Variants in ARHGAP10 observed in about 807,000 individuals in gnomAD.
The protein encoded by ARHGAP10 is Rho GTPase activating protein 10, also known as rho GTPase-activating protein 10.
ARHGAP10 carries 87 observed loss-of-function variants against 108.6 expected under a neutral mutation model. That is an observed-to-expected ratio of 0.80 (90% confidence interval 0.67 to 0.96). ARHGAP10 has a LOEUF of 0.96. ARHGAP10 is among the 40% of genes least tolerant of loss of function. The pLI, the probability that ARHGAP10 is intolerant of heterozygous loss-of-function variation, is 0.00. For missense variants in ARHGAP10, 939 were observed against 954.5 expected (o/e 0.98, Z 0.21); for synonymous variants, 347 against 341.1 (o/e 1.02, Z -0.19).
At chr4:147,945,520 A>G (rs113150774) in intron 14 of ARHGAP10, among the ~76,000 whole-genome samples, 11 of 152,300 alleles carry the variant, frequency 7.2e-5, no homozygotes, top group African/African-American at 2.2e-4. Context: ...CCGGATGACT[A>G]TATTATAGTG....
intron 4 of ARHGAP10, among the ~76,000 whole-genome samples, chr4:147,849,953 T>G (rs1408408548): frequency 6.6e-6 from 1 of 152,224 alleles, no homozygotes; most frequent in Non-Finnish European, 1.5e-5. Flanking sequence ...CAGCTGGGCT[T>G]CTGGGTCGGG....
chr4:147,917,040 CAT>C (rs1331705401), intron 13 of ARHGAP10: 5 of 152,210 alleles, frequency 3.3e-5, no homozygotes, highest in African/African-American at 1.2e-4. Flanking sequence ...CTCCAACAAA[CAT>C]AACTCTGGTC....
chr4:148,036,758 T>C (rs908407390), intron 19 of ARHGAP10, among the ~76,000 whole-genome samples: 1 of 152,210 alleles, frequency 6.6e-6, no homozygotes, highest in Admixed American at 6.5e-5. Flanking sequence ...CAGGTTTTCT[T>C]TGGCTTGTTA....
In ARHGAP10 at chr4:148,063,194, T is replaced by G; in HGVS notation, c.2074T>G (p.Ser692Ala). ...SSMVQWLNPQ[S>A]PTTTSSNSAV... ...TATGGTCCAGTGGCTTAACCCACAGTCTCCAACCACAACAAGCTCCAACTC... is the reference window on the plus strand; with the variant it reads ...TATGGTCCAGTGGCTTAACCCACAGGCTCCAACCACAACAAGCTCCAACTC... The change falls in exon 21 of 23, where the codon TCT becomes GCT. Residue 692 changes from serine to alanine, a missense_variant. Ser to Ala is a moderately conservative substitution (Grantham distance 99). Coordinates refer to ENST00000336498, the MANE Select transcript of ARHGAP10 (RefSeq NM_024605.4). 1.2e-6 allele frequency: 2 copies of G among 1,614,062 alleles called. No individual in the cohort carries two copies. Among genetic ancestry groups the G allele is most frequent in the Non-Finnish European group, 1.7e-6 (2 of 1,180,004 alleles).
intron 6 of ARHGAP10, 172 bp downstream of exon 6, chr4:147,865,128 A>G (rs1160695024): frequency 1.7e-6 from 1 of 588,766 alleles, no homozygotes; most frequent in African/African-American, 1.9e-5. Flanking sequence ...AATTGCCTCT[A>G]AATCAGTGGT....
intron 13 of ARHGAP10, among the ~76,000 whole-genome samples, chr4:147,923,410 A>C (rs1034815538): frequency 1.3e-5 from 2 of 152,220 alleles, no homozygotes; most frequent in Admixed American, 6.5e-5. Flanking sequence ...TCTTTTGCTT[A>C]AAAACATCTT....
At position 147,953,000 on chromosome 4, in the gene ARHGAP10, G is replaced by T. The variant is rs148659989; in HGVS notation, c.1392-2316G>T. Among the ~76,000 whole-genome samples the T allele has an allele frequency of 3.4e-4, 51 of 152,032 alleles. No homozygotes were observed. The East Asian group carries it at 9.5e-3, about 28-fold the overall frequency. ...TCCAGTAGTTCTAGTACGATTTGTAGGAGTGGCTATTTCTCCTAAATTGTC... is the reference window on the plus strand; with the variant it reads ...TCCAGTAGTTCTAGTACGATTTGTATGAGTGGCTATTTCTCCTAAATTGTC... On this transcript the variant is annotated intron_variant, in intron 15 of 22. Transcript: ENST00000336498.
chr4:148,043,332 A>T (rs1157353860), intron 19 of ARHGAP10, among the ~76,000 whole-genome samples: 3 of 151,800 alleles, frequency 2.0e-5, no homozygotes, highest in Non-Finnish European at 4.4e-5. Context: ...CAACCTTTTT[A>T]CCCAGAGGTG....
In ARHGAP10 at chr4:147,798,137, C is replaced by CT. The variant is rs5862812; in HGVS notation, c.155-24578dup. Among the ~76,000 whole-genome samples the CT allele has an allele frequency of 4.1e-3, 600 of 145,842 alleles. 2 individuals are homozygous for CT. Among genetic ancestry groups the CT allele is most frequent in the African/African-American group, 6.0e-3 (242 of 40,272 alleles). On this transcript the variant is annotated intron_variant, in intron 1 of 22. Transcript: ENST00000336498. ...TTACATCTCTTCAGTTTTGCTTTTA[C>CT]TTTTTTTTTTTTCGTAAGGGATACA...
At position 148,042,323 on chromosome 4, in the gene ARHGAP10, TC is replaced by T. The variant is rs552302453; in HGVS notation, c.1868-4566del. ...CAGATCGTATCACTTCCCTGCTTAA[TC>T]CCTGCAATACCTTCCCAGTGTCTGC... On this transcript the variant is annotated intron_variant, in intron 19 of 22. Transcript: ENST00000336498. Among the ~76,000 whole-genome samples, 268 of 152,310 alleles carry T rather than the reference TC, an allele frequency of 1.8e-3. 1 individual carries two copies. Among genetic ancestry groups the T allele is most frequent in the African/African-American group, 6.0e-3 (248 of 41,566 alleles).
At chr4:147,952,946 G>A (rs1466817594) in intron 15 of ARHGAP10, among the ~76,000 whole-genome samples, 1 of 151,984 alleles carries the variant, frequency 6.6e-6, no homozygotes, top group East Asian at 1.9e-4. Context: ...TATGAGGTAT[G>A]AATTCAAGTT....
chr4:147,829,171 C>T (rs1195855400), intron 3 of ARHGAP10, among the ~76,000 whole-genome samples: 1 of 152,064 alleles, frequency 6.6e-6, no homozygotes, highest in Non-Finnish European at 1.5e-5. Flanking sequence ...CTGCCTCAGC[C>T]TCCCGAGTAG....
At chr4:147,823,078 A>T in intron 3 of ARHGAP10, 121 bp downstream of exon 3, 1 of 1,037,958 alleles carries the variant, frequency 9.6e-7, no homozygotes, top group South Asian at 1.6e-5. Context: ...AGTGCATTGT[A>T]ATGGAAAGAT....
At chr4:147,903,297 C>T (rs1412978410) in intron 10 of ARHGAP10, among the ~76,000 whole-genome samples, 3 of 152,214 alleles carry the variant, frequency 2.0e-5, no homozygotes, top group Non-Finnish European at 4.4e-5. Flanking sequence ...AAAAACTTTT[C>T]TGAGAGACTA....
At chr4:147,834,411 G>A (rs1733080461) in intron 3 of ARHGAP10, among the ~76,000 whole-genome samples, 1 of 152,262 alleles carries the variant, frequency 6.6e-6, no homozygotes, top group East Asian at 1.9e-4. Context: ...TGAGGCTGCA[G>A]AGAGCTATTA....
At chr4:147,769,504 G>T (rs531834764) in intron 1 of ARHGAP10, among the ~76,000 whole-genome samples, 20 of 152,248 alleles carry the variant, frequency 1.3e-4, no homozygotes, top group East Asian at 5.8e-4. Flanking sequence ...TTCTCTTTAT[G>T]TAATAAATTC....
At chr4:147,949,910 G>A (rs1413913581) in intron 15 of ARHGAP10, among the ~76,000 whole-genome samples, 2 of 152,020 alleles carry the variant, frequency 1.3e-5, no homozygotes, top group African/African-American at 4.8e-5. Context: ...ATAAACTAGA[G>A]GCCCTTTTTA....
chr4:147,927,664 C>G (rs1737514085), intron 13 of ARHGAP10, among the ~76,000 whole-genome samples: 1 of 152,160 alleles, frequency 6.6e-6, no homozygotes. Flanking sequence ...AGTCTCCCGA[C>G]TCTAAGCCAG....
chr4:147,791,300 C>T (rs1237071945), intron 1 of ARHGAP10, among the ~76,000 whole-genome samples: 2 of 151,572 alleles, frequency 1.3e-5, no homozygotes, highest in African/African-American at 4.8e-5. Flanking sequence ...TTAGCAGAGA[C>T]AGGGTTTTGC....
Sources: allele counts gnomAD v4.1 joint callset (sites outside exome capture counted in the v4.1 genomes callset), GRCh38; gene constraint gnomAD v4.1.1; transcripts MANE v1.5; gene names NCBI Gene and HGNC (gene_info 2026-07-23, HGNC 2026-07-21).